MGAT1: variants seen among roughly 807,000 people sequenced by gnomAD.
MGAT1 encodes the protein alpha-1,3-mannosyl-glycoprotein 2-beta-N-acetylglucosaminyltransferase.
A neutral mutation model predicts 31.7 loss-of-function variants in MGAT1; 14 were observed. That is an observed-to-expected ratio of 0.44 (90% CI 0.29 to 0.69). The LOEUF is 0.69. Among genes scored for constraint, MGAT1 ranks in the 30% least tolerant of loss-of-function variants. The probability of loss-of-function intolerance (pLI) is 0.12; values close to 1 mark genes in which losing one functional copy is unlikely to be tolerated. For synonymous variants in MGAT1, 338 were observed against 276.0 expected (o/e 1.22, Z -2.23); for missense variants, 557 against 626.0 (o/e 0.89, Z 1.18).
rs145206459 is a variant in MGAT1 at position 180,787,305 on chromosome 5, G to C, written c.*4329C>G. On this transcript the variant is annotated 3_prime_UTR_variant, in exon 2 of 2. Transcript: ENST00000307826. ...TTCCTAAACTCCCTGTGAATTGCCAGGGGCCAGAATGTGGGTAGGTGGGAG... is the reference window on the plus strand; with the variant it reads ...TTCCTAAACTCCCTGTGAATTGCCACGGGCCAGAATGTGGGTAGGTGGGAG... 6.6e-6 allele frequency: 1 copy of C among 152,438 alleles called. No individual in the cohort carries two copies. The highest frequency in any genetic ancestry group is 1.5e-5 in the Non-Finnish European group (1 of 68,074). 9.4% of individuals were successfully genotyped at this position (152,438 alleles called of 1,614,324 possible). A position where few individuals can be genotyped will look rare whatever the true frequency, so the allele number is the denominator to read the frequency against.
Position 180,792,880 on chromosome 5 carries a change from C to G in MGAT1, c.92G>C (p.Arg31Pro), listed in dbSNP as rs1272111008. 1 of 1,593,548 alleles carries G rather than the reference C, an allele frequency of 6.3e-7. No individual in the cohort carries two copies. Among genetic ancestry groups the G allele is most frequent in the South Asian group, 1.1e-5 (1 of 88,112 alleles). ...NALLLLFFWTRPAPGRPPSVS... is the reference protein window; with the variant it reads ...NALLLLFFWTPPAPGRPPSVS... ...TGAGGGTGGCCTGCCAGGTGCTGGG[C>G]GCGTCCAGAAGAAGAGGAGCAGCAG... The change falls in exon 2 of 2, where the codon CGC becomes CCC. Residue 31 changes from arginine (R) to proline (P), a missense_variant. This residue lies in a region of MGAT1 where 167 missense variants were observed against 149.8 expected (regional missense o/e 1.11). Transcript: ENST00000307826.
intron 1 of MGAT1, among the ~76,000 whole-genome samples, chr5:180,812,622 G>C (rs1003948489): frequency 2.0e-5 from 3 of 152,068 alleles, no homozygotes; most frequent in Non-Finnish European, 2.9e-5. Flanking sequence ...TCCAAAGACA[G>C]ATATTCCTGA....
In MGAT1 at chr5:180,794,024, A is replaced by G. The variant is rs144674221; in HGVS notation, c.-126-927T>C. 7.0e-4 allele frequency among the ~76,000 whole-genome samples: 106 copies of G among 152,172 alleles called. 1 individual carries two copies. In the East Asian group the frequency reaches 0.015, roughly 22 times the overall value. The stretch of plus-strand genomic sequence containing the variant: ...CGAACTGACAGTAAAGTTCACATGA[A>G]AAACTAGGAAAACAATAAAAATAAG... On this transcript the variant is annotated intron_variant, in intron 1 of 1. Transcript: ENST00000307826.
upstream of MGAT1, among the ~76,000 whole-genome samples, chr5:180,805,026 G>C (rs1042729209): frequency 2.6e-5 from 4 of 152,138 alleles, no homozygotes; most frequent in African/African-American, 9.7e-5. Context: ...GCAAGCACTT[G>C]GTCTGAGAGG....
chr5:180,799,262 C>G (rs952090996), intron 1 of MGAT1, among the ~76,000 whole-genome samples: 12 of 152,296 alleles, frequency 7.9e-5, no homozygotes, highest in Non-Finnish European at 1.8e-4. Flanking sequence ...CCACTAACCC[C>G]ATGGACCCTG....
chr5:180,803,392 GA>G (rs1337891315), upstream of MGAT1: 1 of 152,396 alleles, frequency 6.6e-6, no homozygotes, highest in Non-Finnish European at 1.5e-5. Context: ...TAAAGAAAGC[GA>G]AGAGAGACCT....
In MGAT1 at chr5:180,788,954, C is replaced by A. The variant is rs961229998; in HGVS notation, c.*2680G>T. On this transcript the variant is annotated 3_prime_UTR_variant, in exon 2 of 2. Coordinates refer to ENST00000307826, the MANE Select transcript of MGAT1 (RefSeq NM_002406.4). ...GCGCATGGAGCGTGGCGGCCAAACTCCTCCTGGCTCCACCGGAAAGGGCAC... is the reference window on the plus strand; with the variant it reads ...GCGCATGGAGCGTGGCGGCCAAACTACTCCTGGCTCCACCGGAAAGGGCAC... The A allele has an allele frequency of 1.3e-5, 2 of 152,258 alleles. No individual in the cohort carries two copies. Among genetic ancestry groups the A allele is most frequent in the African/African-American group, 2.4e-5 (1 of 41,460 alleles). The allele number at this position is 152,258 out of a possible 1,614,324, so 9.4% of individuals were successfully genotyped here. A position where few individuals can be genotyped will look rare whatever the true frequency, so the allele number is the denominator to read the frequency against.
chr5:180,791,511 G>A lies in MGAT1; in HGVS notation c.*123C>T. The A allele has an allele frequency of 7.9e-7, 1 of 1,271,414 alleles. No individual in the cohort carries two copies. Among genetic ancestry groups the A allele is most frequent in the Non-Finnish European group, 1.1e-6 (1 of 914,280 alleles). The allele number at this position is 1,271,414 out of a possible 1,614,324, so 78.8% of individuals were successfully genotyped here. A position where few individuals can be genotyped will look rare whatever the true frequency, so the allele number is the denominator to read the frequency against. On this transcript the variant is annotated 3_prime_UTR_variant, in exon 2 of 2. Transcript: ENST00000307826. ...CATTTGTGCACTTAAATGCCACTCG[G>A]AAAAATCAAAAAGATAAATGCACCT... is the stretch of plus-strand genomic sequence containing the variant.
At chr5:180,810,516 CG>C (rs528204335) in intron 1 of MGAT1, 3 of 152,244 alleles carry the variant, frequency 2.0e-5, no homozygotes, top group Non-Finnish European at 4.4e-5. Flanking sequence ...GCATGCGTCG[CG>C]GGGGGGTTGG....
At chr5:180,801,763 T>A (rs1388609287) in intron 1 of MGAT1, among the ~76,000 whole-genome samples, 1 of 152,244 alleles carries the variant, frequency 6.6e-6, no homozygotes, top group Non-Finnish European at 1.5e-5. Context: ...GCCTGGATAC[T>A]GACGACAGTG....
rs572948012 is a variant in MGAT1 at position 180,789,159 on chromosome 5, G to C, written c.*2475C>G. Reference sequence around the variant, plus strand: ...TGTCTGACACTGGTTTCTGAGCCCAGATGGGAGGTTGGAGCTGCTCCCAAG... The same window carrying C: ...TGTCTGACACTGGTTTCTGAGCCCACATGGGAGGTTGGAGCTGCTCCCAAG... On this transcript the variant is annotated 3_prime_UTR_variant, in exon 2 of 2. Coordinates refer to ENST00000307826, the MANE Select transcript of MGAT1 (RefSeq NM_002406.4). The C allele has an allele frequency of 1.1e-3, 168 of 152,404 alleles. No individual in the cohort carries two copies. Among genetic ancestry groups the C allele is most frequent in the Non-Finnish European group, 2.1e-3 (142 of 68,072 alleles). The allele number at this position is 152,404 out of a possible 1,614,324, so 9.4% of individuals were successfully genotyped here.
rs558057538 is a variant in MGAT1, at chr5:180,787,171, G to A, written c.*4463C>T. The A allele has an allele frequency of 3.3e-5, 5 of 152,374 alleles. No homozygotes were observed. Among genetic ancestry groups the A allele is most frequent in the Admixed American group, 2.0e-4 (3 of 15,286 alleles). 9.4% of individuals were successfully genotyped at this position (152,374 alleles called of 1,614,324 possible). On this transcript the variant is annotated 3_prime_UTR_variant, in exon 2 of 2. Transcript: ENST00000307826. ...TCTGGCAGGAAGAACAGCTGGACCCGAGTCAGACACGCAGGTCACGGGCCC... is the reference window on the plus strand; with the variant it reads ...TCTGGCAGGAAGAACAGCTGGACCCAAGTCAGACACGCAGGTCACGGGCCC...
Position 180,791,460 on chromosome 5 carries a change from G to A in MGAT1, c.*174C>T. On this transcript the variant is annotated 3_prime_UTR_variant, in exon 2 of 2. Transcript: ENST00000307826. ...AGTTCCCCTGATCTGACTCCCTTGA[G>A]AACGGGAGAATAATCCTCTTGTTAT... 1 of 785,806 alleles carries A rather than the reference G, an allele frequency of 1.3e-6. No individual in the cohort carries two copies. Among genetic ancestry groups the A allele is most frequent in the Non-Finnish European group, 2.0e-6 (1 of 492,592 alleles). 48.7% of individuals were successfully genotyped at this position (785,806 alleles called of 1,614,324 possible).
intron 1 of MGAT1, among the ~76,000 whole-genome samples, chr5:180,795,173 T>C (rs1001708947): frequency 6.6e-6 from 1 of 151,958 alleles, no homozygotes; most frequent in African/African-American, 2.4e-5. Flanking sequence ...TGCCTGGGGA[T>C]GGAGGCAGAG....
chr5:180,809,108 T>C (rs1772246415), intron 1 of MGAT1: 1 of 152,120 alleles, frequency 6.6e-6, no homozygotes, highest in Non-Finnish European at 1.5e-5. Context: ...TAACGCTCTC[T>C]AATCTAGATA....
At chr5:180,799,760 G>A (rs1770319785) in intron 1 of MGAT1, among the ~76,000 whole-genome samples, 1 of 152,220 alleles carries the variant, frequency 6.6e-6, no homozygotes, top group Non-Finnish European at 1.5e-5. Flanking sequence ...CCTGCCTCCA[G>A]AGCTGAGGGT....
intron 1 of MGAT1, among the ~76,000 whole-genome samples, chr5:180,812,482 C>G (rs1401646428): frequency 4.6e-5 from 7 of 151,968 alleles, no homozygotes. Flanking sequence ...CTCCTGTCCC[C>G]CTCTCATCCC....
chr5:180,810,768 G>C (rs926484781), intron 1 of MGAT1: 1 of 152,264 alleles, frequency 6.6e-6, no homozygotes, highest in African/African-American at 2.4e-5. Context: ...CGCGAGCTCT[G>C]TGTAGCCGTG....
Position 180,793,046 on chromosome 5 carries a change from C to T in MGAT1, c.-75G>A. ...TGGGCTTGCCCGGCTCCCTTGCCCG[C>T]AGTCCTAGGGATGCCTCCTCTGGAC... On this transcript the variant is annotated 5_prime_UTR_variant, in exon 2 of 2. Transcript: ENST00000307826. The T allele has an allele frequency of 1.3e-6, 2 of 1,558,344 alleles. No homozygotes were observed. Among genetic ancestry groups the T allele is most frequent in the East Asian group, 2.3e-5 (1 of 43,950 alleles).
Sources: allele counts gnomAD v4.1 joint callset (sites outside exome capture counted in the v4.1 genomes callset), GRCh38; gene constraint gnomAD v4.1.1; regional missense constraint gnomAD v4.1.1; transcripts MANE v1.5; gene names NCBI Gene and HGNC (gene_info 2026-07-23, HGNC 2026-07-21).